Variants in TBC1D9 observed in about 807,000 individuals in gnomAD.
TBC1D9 encodes the protein TBC1 domain family member 9, also known as TBC1 domain family member 9A.
Under a neutral mutation model 132.0 loss-of-function variants are expected in TBC1D9, and 63 were observed. That is an observed-to-expected ratio of 0.48 (90% confidence interval 0.39 to 0.59). The LOEUF (loss-of-function observed/expected upper bound fraction) is 0.59. Ranked by LOEUF, TBC1D9 falls within the 20% of genes least tolerant of loss-of-function variation. The pLI, the probability that TBC1D9 is intolerant of heterozygous loss-of-function variation, is 0.00. For missense variants in TBC1D9, 1,261 were observed against 1,592.7 expected, an observed-to-expected ratio of 0.79 and a Z score of 3.54; for synonymous variants, 610 against 609.9, an observed-to-expected ratio of 1.00 and a Z score of 0.00.
rs542761709 is a variant in TBC1D9 at position 140,631,636 on chromosome 4, G to A, written c.2746+2312C>T. 5.5e-5 allele frequency among the ~76,000 whole-genome samples: 8 copies of A among 146,056 alleles called. No homozygotes were observed. In the South Asian group the frequency reaches 6.4e-4, roughly 12 times the overall value. On this transcript the variant is annotated intron_variant, in intron 16 of 20. Coordinates refer to ENST00000442267, the MANE Select transcript of TBC1D9 (RefSeq NM_015130.3). ...TTTTGAGATGGAGTCTTACTCTGTC[G>A]TCCAGGCTGGAGTGCTGTGGCACGA...
At chr4:140,695,459 A>G (rs1309398087) in intron 2 of TBC1D9, among the ~76,000 whole-genome samples, 1 of 152,206 alleles carries the variant, frequency 6.6e-6, no homozygotes, top group African/African-American at 2.4e-5. Context: ...GCTGTCCGTC[A>G]AACACATCCT....
intron 1 of TBC1D9, among the ~76,000 whole-genome samples, chr4:140,730,354 C>G (rs923842745): frequency 6.6e-6 from 1 of 152,168 alleles, no homozygotes; most frequent in Non-Finnish European, 1.5e-5. Context: ...CAGGGGATAT[C>G]AGATGTTGTC....
At chr4:140,644,583 TCTC>T (rs1426247198) in intron 13 of TBC1D9, 2 of 312,038 alleles carry the variant, frequency 6.4e-6, no homozygotes, top group Admixed American at 5.0e-5. Flanking sequence ...TTGCTCCACT[TCTC>T]CTCCATCTCT....
At chr4:140,722,901 C>T (rs1375003222) in intron 1 of TBC1D9, among the ~76,000 whole-genome samples, 1 of 152,116 alleles carries the variant, frequency 6.6e-6, no homozygotes, top group Non-Finnish European at 1.5e-5. Flanking sequence ...TAGCTTATTA[C>T]TCTTCGGGGT....
intron 9 of TBC1D9, among the ~76,000 whole-genome samples, chr4:140,664,551 C>A (rs1473382311): frequency 6.6e-6 from 1 of 152,162 alleles, no homozygotes; most frequent in Non-Finnish European, 1.5e-5. Flanking sequence ...AGGACTCACA[C>A]TTCCCAATTT....
chr4:140,668,912 C>G lies in TBC1D9; in HGVS notation c.1588+5G>C, dbSNP rs927117987. ...ACGCCAGCATTCCCAGCCCAGCGGC[C>G]GTACCTGACAGCAGCAGCCAGAGCT... On this transcript the variant is annotated splice_donor_5th_base_variant and intron_variant, in intron 9 of 20. Coordinates refer to ENST00000442267, the MANE Select transcript of TBC1D9 (RefSeq NM_015130.3). The G allele has an allele frequency of 6.2e-7, 1 of 1,613,334 alleles. No individual in the cohort carries two copies. The highest frequency in any genetic ancestry group is 1.7e-5 in the Admixed American group (1 of 59,944).
chr4:140,623,420 A>G (rs1736656147), intron 20 of TBC1D9, among the ~76,000 whole-genome samples: 1 of 152,240 alleles, frequency 6.6e-6, no homozygotes, highest in East Asian at 1.9e-4. Context: ...GAAAGTTGGA[A>G]TGAAAAAGTA....
chr4:140,653,905 C>T (rs901644086), intron 13 of TBC1D9, among the ~76,000 whole-genome samples: 2 of 152,204 alleles, frequency 1.3e-5, no homozygotes, highest in Non-Finnish European at 2.9e-5. Context: ...CCCAAGAAGA[C>T]GTAAATGGAA....
chr4:140,681,547 C>G (rs181557782), intron 3 of TBC1D9, among the ~76,000 whole-genome samples: 2 of 152,138 alleles, frequency 1.3e-5, no homozygotes. Flanking sequence ...GCTTACGATG[C>G]AAGCACAGCC....
chr4:140,659,520 C>T (rs913370983), intron 11 of TBC1D9, 68 bp downstream of exon 11: 1 of 1,120,832 alleles, frequency 8.9e-7, no homozygotes, highest in Non-Finnish European at 1.3e-6. Context: ...AGTGTTCTGG[C>T]TGGCACCTCT....
At chr4:140,643,316 G>T in intron 13 of TBC1D9, 4 of 1,322,964 alleles carry the variant, frequency 3.0e-6, no homozygotes, top group Non-Finnish European at 4.3e-6. Context: ...CAAGGCTCTC[G>T]GCAGCTTCCT....
intron 1 of TBC1D9, among the ~76,000 whole-genome samples, chr4:140,711,027 C>T (rs1738235274): frequency 6.6e-6 from 1 of 152,196 alleles, no homozygotes; most frequent in Non-Finnish European, 1.5e-5. Context: ...TTGCTGCTTT[C>T]AGACTTTGTG....
At chr4:140,669,410 G>A (rs1300067582) in intron 8 of TBC1D9, among the ~76,000 whole-genome samples, 3 of 152,096 alleles carry the variant, frequency 2.0e-5, no homozygotes, top group Non-Finnish European at 4.4e-5. Context: ...TTAAGCAAGA[G>A]TTAAAAACAA....
At chr4:140,639,227 C>T in intron 14 of TBC1D9, 73 bp from the exon 15 acceptor site, 2 of 1,480,064 alleles carry the variant, frequency 1.4e-6, no homozygotes, top group South Asian at 1.2e-5. Context: ...CTAATTTTTC[C>T]CTTTCAAATT....
At chr4:140,623,994 T>A in intron 20 of TBC1D9, 122 bp downstream of exon 20, 1 of 719,830 alleles carries the variant, frequency 1.4e-6, no homozygotes, top group Non-Finnish European at 2.1e-6. Flanking sequence ...AAATGGATAC[T>A]AAGTAAAGGC....
intron 13 of TBC1D9, among the ~76,000 whole-genome samples, chr4:140,650,953 G>T (rs1271200997): frequency 6.6e-6 from 1 of 152,146 alleles, no homozygotes; most frequent in Non-Finnish European, 1.5e-5. Context: ...TAGCAAGTGG[G>T]ACACATAGCA....
intron 1 of TBC1D9, among the ~76,000 whole-genome samples, chr4:140,702,053 G>C (rs1408818827): frequency 6.6e-6 from 1 of 152,226 alleles, no homozygotes; most frequent in African/African-American, 2.4e-5. Flanking sequence ...AAGTGAGCTA[G>C]GGCCGGGAAA....
chr4:140,741,914 T>A lies in TBC1D9; in HGVS notation c.130+14002A>T, dbSNP rs565964177. On this transcript the variant is annotated intron_variant, in intron 1 of 20. Coordinates refer to ENST00000442267, the MANE Select transcript of TBC1D9 (RefSeq NM_015130.3). The stretch of plus-strand genomic sequence containing the variant: ...AATTGCCAATCAGAAAATCTTTGAA[T>A]CCACATATGACCTGGAAGCCCCCTC... Among the ~76,000 whole-genome samples the A allele has an allele frequency of 2.2e-4, 34 of 152,262 alleles. No homozygotes were observed. In the Middle Eastern group the frequency reaches 0.024, roughly 107 times the overall value.
At chr4:140,698,134 T>C (rs377099598) in intron 2 of TBC1D9, among the ~76,000 whole-genome samples, 1 of 152,202 alleles carries the variant, frequency 6.6e-6, no homozygotes, top group Admixed American at 6.5e-5. Flanking sequence ...AATGTGATGC[T>C]TTCCCAATCA....
Sources: allele counts gnomAD v4.1 joint callset (sites outside exome capture counted in the v4.1 genomes callset), GRCh38; gene constraint gnomAD v4.1.1; transcripts MANE v1.5; gene names NCBI Gene and HGNC (gene_info 2026-07-23, HGNC 2026-07-21).